STAB2: variants seen among roughly 807,000 people sequenced by gnomAD.
The protein encoded by STAB2 is stabilin 2.
In STAB2, 288 loss-of-function variants were observed where a neutral mutation model predicts 338.1. That is an observed-to-expected ratio of 0.85 (90% confidence interval 0.77 to 0.94). The LOEUF is 0.94. Ranked by LOEUF, STAB2 falls within the 40% of genes least tolerant of loss-of-function variation. The pLI is 0.00. For synonymous variants in STAB2, 1,202 were observed against 1,193.3 expected, an observed-to-expected ratio of 1.01 and a Z score of -0.15; for missense variants, 3,141 against 3,210.1, an observed-to-expected ratio of 0.98 and a Z score of 0.52.
intron 33 of STAB2, 81 bp downstream of exon 33, chr12:103,695,925 C>A (rs1566022945): frequency 7.7e-7 from 1 of 1,306,366 alleles, no homozygotes; most frequent in Non-Finnish European, 1.1e-6. Flanking sequence ...TAGTTGTGTG[C>A]CATTTCACTC....
intron 15 of STAB2, among the ~76,000 whole-genome samples, chr12:103,655,842 C>T (rs927843106): frequency 2.0e-5 from 3 of 151,972 alleles, no homozygotes; most frequent in Non-Finnish European, 4.4e-5. Flanking sequence ...ATTTGCAATC[C>T]CAGGCCTAAA....
intron 15 of STAB2, among the ~76,000 whole-genome samples, chr12:103,656,400 A>G (rs77120095): frequency 0.014 from 2,095 of 152,290 alleles, 46 homozygotes; most frequent in African/African-American, 0.047. Context: ...AGTGATTCCC[A>G]AAGTGTAGTG....
rs2139053951 is a variant in STAB2, at chr12:103,725,019, G to A, written c.4728G>A (p.Gly1576=). ...CSEFAICNHT[G]QVERTCTCKP... Reference sequence around the variant, plus strand: ...AATTTGCCATCTGCAACCACACTGGGCAAGTAGAAAGGACTTGTACTTGCA... The same window carrying A: ...AATTTGCCATCTGCAACCACACTGGACAAGTAGAAAGGACTTGTACTTGCA... The change falls in exon 45 of 69, where the codon GGG becomes GGA. Residue 1576 remains glycine (G), a synonymous_variant. Transcript: ENST00000388887. 1.2e-6 allele frequency: 2 copies of A among 1,614,102 alleles called. No homozygotes were observed. Among genetic ancestry groups the A allele is most frequent in the Non-Finnish European group, 1.7e-6 (2 of 1,179,968 alleles).
chr12:103,704,678 A>G, intron 36 of STAB2, 64 bp downstream of exon 36: 1 of 1,437,042 alleles, frequency 7.0e-7, no homozygotes, highest in Non-Finnish European at 9.7e-7. Context: ...TTAGAAAATG[A>G]ACCTCAAGAT....
In STAB2 at chr12:103,654,676, C is replaced by G. The variant is rs1609860; in HGVS notation, c.1529C>G (p.Pro510Arg). The G allele has an allele frequency of 6.0e-4, 970 of 1,613,874 alleles. 10 individuals are homozygous for G. The African/African-American group carries it at 0.011, about 19-fold the overall frequency. Residue 510 changes from proline (P) to arginine (R), a missense_variant, in exon 13 of 69, where the codon CCC becomes CGC. Coordinates refer to ENST00000388887, the MANE Select transcript of STAB2 (RefSeq NM_017564.10). The stretch of plus-strand genomic sequence containing the variant: ...GACAGAGCCATGGACAAGTTAGAAC[C>G]CACATTTGAGAGCAACAATGAGGTG... The part of the protein sequence containing the change: ...ILDRAMDKLE[P>R]TFESNNEQTI...
chr12:103,621,942 A>C, intron 4 of STAB2, 100 bp from the exon 5 acceptor site: 1 of 1,133,914 alleles, frequency 8.8e-7, no homozygotes. Flanking sequence ...ACAGAGGGAA[A>C]ATATATTTGA....
chr12:103,671,815 C>T (rs575448683), intron 22 of STAB2, among the ~76,000 whole-genome samples: 2 of 152,236 alleles, frequency 1.3e-5, no homozygotes, highest in South Asian at 4.1e-4. Context: ...GTTATGCAAC[C>T]TCAGAAAATG....
At chr12:103,716,225 G>C (rs1880300800) in intron 43 of STAB2, among the ~76,000 whole-genome samples, 1 of 152,118 alleles carries the variant, frequency 6.6e-6, no homozygotes, top group Non-Finnish European at 1.5e-5. Context: ...CTTTATCTTT[G>C]GCTTAAGGCT....
chr12:103,693,818 T>C (rs370952268), intron 31 of STAB2, among the ~76,000 whole-genome samples: 4 of 152,098 alleles, frequency 2.6e-5, no homozygotes, highest in African/African-American at 9.7e-5. Context: ...TTTTGTAAGA[T>C]GGAAGATCAG....
At position 103,683,383 on chromosome 12, in the gene STAB2, C is replaced by CCT. The variant is rs1877107940; in HGVS notation, c.2901+84_2901+85dup. The stretch of plus-strand genomic sequence containing the variant: ...GAAAGAAAGATTATTTCCTGTCTGG[C>CCT]CTAGTGATGAACAAAATCTCTTACC... On this transcript the variant is annotated intron_variant, in intron 26 of 68. Coordinates refer to ENST00000388887, the MANE Select transcript of STAB2 (RefSeq NM_017564.10). 3 of 1,276,382 alleles carry CCT rather than the reference C, an allele frequency of 2.4e-6. No homozygotes were observed. The Admixed American group carries it at 7.0e-5, about 30-fold the overall frequency. The allele number at this position is 1,276,382 out of a possible 1,614,324, so 79.1% of individuals were successfully genotyped here. A position where few individuals can be genotyped will look rare whatever the true frequency, so the allele number is the denominator to read the frequency against.
chr12:103,689,950 G>T lies in STAB2; in HGVS notation c.3150G>T (p.Trp1050Cys). ...EDMDQDEKSF[W>C]LSQSNIPALI... is the part of the protein sequence containing the mutation. ...TGGACCAGGATGAGAAAAGCTTCTG[G>T]TTGTCACAGAGCAATATTCCAGCCC... The change falls in exon 29 of 69, where the codon TGG becomes TGT. Residue 1050 changes from tryptophan to cysteine, a missense_variant. By Grantham distance (215) the Trp-to-Cys change is radical (BLOSUM62 -2). Coordinates refer to ENST00000388887, the MANE Select transcript of STAB2 (RefSeq NM_017564.10). 3.1e-6 allele frequency: 5 copies of T among 1,614,056 alleles called. No individual in the cohort carries two copies. Among genetic ancestry groups the T allele is most frequent in the Non-Finnish European group, 4.2e-6 (5 of 1,179,974 alleles).
intron 54 of STAB2, 104 bp downstream of exon 54, chr12:103,739,572 T>TGTGTGTGTGTGTGTGTGCGC (rs373686630): frequency 2.7e-5 from 20 of 735,710 alleles, no homozygotes; most frequent in Non-Finnish European, 3.9e-5. Context: ...TGTGTGTGTG[T>TGTGTGTGTGTGTGTGTGCGC]GCCCGTGCAC....
chr12:103,750,948 C>T (rs1008506981), intron 60 of STAB2, among the ~76,000 whole-genome samples: 5 of 152,160 alleles, frequency 3.3e-5, no homozygotes, highest in South Asian at 2.1e-4. Flanking sequence ...AAAAATCAGC[C>T]GGTTGTGGCA....
At chr12:103,746,549 A>AAGT in intron 57 of STAB2, 48 bp from the exon 58 acceptor site, 1 of 1,587,264 alleles carries the variant, frequency 6.3e-7, no homozygotes, top group Non-Finnish European at 8.6e-7. Flanking sequence ...ATGGGTTTTA[A>AAGT]CTCTTCACAC....
At chr12:103,664,413 G>T (rs1231291392) in intron 18 of STAB2, among the ~76,000 whole-genome samples, 1 of 152,174 alleles carries the variant, frequency 6.6e-6, no homozygotes, top group Non-Finnish European at 1.5e-5. Flanking sequence ...CAAAGTGGTG[G>T]GATTACAGGC....
chr12:103,607,116 G>A (rs1220448327), intron 3 of STAB2, among the ~76,000 whole-genome samples: 1 of 152,098 alleles, frequency 6.6e-6, no homozygotes, highest in Non-Finnish European at 1.5e-5. Context: ...CTGGTTCTAA[G>A]GAATTTTATT....
chr12:103,729,466 G>A (rs1881468148), intron 48 of STAB2, among the ~76,000 whole-genome samples: 1 of 152,062 alleles, frequency 6.6e-6, no homozygotes, highest in Non-Finnish European at 1.5e-5. Context: ...ATTTCTGTAT[G>A]CAGGCACTTA....
chr12:103,589,764 A>G (rs1405794197), intron 1 of STAB2, among the ~76,000 whole-genome samples: 1 of 152,166 alleles, frequency 6.6e-6, no homozygotes, highest in Non-Finnish European at 1.5e-5. Flanking sequence ...TTAGGAGAGG[A>G]AACAGGCACA....
chr12:103,705,621 A>G lies in STAB2; in HGVS notation c.3901-11A>G. 1 of 1,613,698 alleles carries G rather than the reference A, an allele frequency of 6.2e-7. No homozygotes were observed. Among genetic ancestry groups the G allele is most frequent in the Non-Finnish European group, 8.5e-7 (1 of 1,179,582 alleles). On this transcript the variant is annotated splice_polypyrimidine_tract_variant and intron_variant, in intron 36 of 68. Coordinates refer to ENST00000388887, the MANE Select transcript of STAB2 (RefSeq NM_017564.10). ...AACTTAGGAGCTGACGTAGTCATTA[A>G]TATTTCACAGGGTAATGAGAAGAGG...
Sources: gnomAD v4.1 joint callset for allele counts (sites outside exome capture counted in the v4.1 genomes callset) on GRCh38, gnomAD v4.1.1 for gene constraint, MANE v1.5 for transcripts, NCBI Gene and HGNC (gene_info 2026-07-23, HGNC 2026-07-21) for gene names.